The following NTM variants were observed in gnomAD, a reference collection of about 807,000 sequenced individuals.
NTM encodes the protein IgLON family member 2.
A neutral mutation model predicts 42.1 loss-of-function variants in NTM; 13 were observed. The observed-to-expected ratio is 0.31, with a 90% CI of 0.20 to 0.49. The LOEUF (loss-of-function observed/expected upper bound fraction) is 0.49, where lower values mean the gene tolerates loss of function less well. Ranked by LOEUF, NTM falls within the 20% of genes least tolerant of loss-of-function variation. The probability of loss-of-function intolerance (pLI) is 0.99; values close to 1 mark genes in which losing one functional copy is unlikely to be tolerated. For synonymous variants in NTM, 187 were observed against 179.2 expected, an observed-to-expected ratio of 1.04 and a Z score of -0.35; for missense variants, 373 against 452.8, an observed-to-expected ratio of 0.82 and a Z score of 1.60.
intron 1 of NTM, among the ~76,000 whole-genome samples, chr11:131,871,753 G>A (rs922405253): frequency 6.6e-6 from 1 of 152,054 alleles, no homozygotes; most frequent in Non-Finnish European, 1.5e-5. Context: ...GCTCCTGTAG[G>A]CCACCCTGCC....
At chr11:132,262,929 A>G (rs777078586) in intron 4 of NTM, among the ~76,000 whole-genome samples, 3 of 152,196 alleles carry the variant, frequency 2.0e-5, no homozygotes, top group Non-Finnish European at 4.4e-5. Flanking sequence ...CAAGTTATGT[A>G]TTTCCAAAAT....
intron 2 of NTM, among the ~76,000 whole-genome samples, chr11:131,961,529 G>A (rs537952928): frequency 6.6e-6 from 1 of 152,176 alleles, no homozygotes; most frequent in Admixed American, 6.5e-5. Flanking sequence ...ACTCTGGAAA[G>A]CCTAGCACAT....
At chr11:131,741,734 G>A (rs1413143990) in intron 1 of NTM, among the ~76,000 whole-genome samples, 1 of 152,198 alleles carries the variant, frequency 6.6e-6, no homozygotes, top group Non-Finnish European at 1.5e-5. Context: ...TTAAAAAATA[G>A]AAATGTATTG....
At chr11:131,916,439 A>G (rs1220617405) in intron 2 of NTM, among the ~76,000 whole-genome samples, 1 of 152,152 alleles carries the variant, frequency 6.6e-6, no homozygotes, top group African/African-American at 2.4e-5. Flanking sequence ...TCTAGACCAT[A>G]GGCTTAGCGA....
chr11:131,835,144 C>A (rs2043328414), intron 1 of NTM, among the ~76,000 whole-genome samples: 2 of 152,160 alleles, frequency 1.3e-5, no homozygotes, highest in East Asian at 1.9e-4. Context: ...ATGGTAGATA[C>A]CAATTATTTG....
At chr11:131,544,733 G>A (rs1267054095) in intron 1 of NTM, among the ~76,000 whole-genome samples, 1 of 152,150 alleles carries the variant, frequency 6.6e-6, no homozygotes, top group Non-Finnish European at 1.5e-5. Flanking sequence ...TTCCTGCTCC[G>A]CAGCCCTGGG....
intron 1 of NTM, among the ~76,000 whole-genome samples, chr11:131,407,563 G>C (rs1341799175): frequency 1.3e-5 from 2 of 152,208 alleles, no homozygotes; most frequent in Admixed American, 1.3e-4. Context: ...TGAAGAAAGG[G>C]AAGAGCCACA....
chr11:131,518,273 A>G (rs1011198843), intron 1 of NTM, among the ~76,000 whole-genome samples: 1 of 152,152 alleles, frequency 6.6e-6, no homozygotes, highest in Non-Finnish European at 1.5e-5. Context: ...CCATGCAGTA[A>G]GTGCAAGAAT....
chr11:131,873,666 C>CACAT (rs1565658329), intron 1 of NTM, among the ~76,000 whole-genome samples: 1 of 112,848 alleles, frequency 8.9e-6, no homozygotes, highest in Non-Finnish European at 1.8e-5. Flanking sequence ...TATATATACA[C>CACAT]ATATATATAT....
At chr11:131,566,898 A>G (rs1430130073) in intron 1 of NTM, among the ~76,000 whole-genome samples, 2 of 152,188 alleles carry the variant, frequency 1.3e-5, no homozygotes, top group African/African-American at 4.8e-5. Context: ...GCCTGTGATT[A>G]GAAGTCCTGC....
intron 2 of NTM, among the ~76,000 whole-genome samples, chr11:132,080,293 T>C (rs1248258985): frequency 1.3e-5 from 2 of 152,214 alleles, no homozygotes; most frequent in African/African-American, 2.4e-5. Context: ...TGACTAAATG[T>C]GCAGTCACTG....
intron 4 of NTM, among the ~76,000 whole-genome samples, chr11:132,261,757 G>A (rs747383865): frequency 1.3e-5 from 2 of 152,176 alleles, no homozygotes; most frequent in African/African-American, 4.8e-5. Flanking sequence ...AATAGAATGG[G>A]AGCAGATAGA....
intron 1 of NTM, among the ~76,000 whole-genome samples, chr11:131,522,461 A>G (rs901182359): frequency 6.6e-6 from 1 of 152,298 alleles, no homozygotes; most frequent in Middle Eastern, 3.4e-3. Flanking sequence ...TATGTATTTC[A>G]TAACAACCAC....
At chr11:131,749,791 G>A (rs1418095563) in intron 1 of NTM, among the ~76,000 whole-genome samples, 2 of 152,052 alleles carry the variant, frequency 1.3e-5, no homozygotes. Flanking sequence ...GTAGAGACAG[G>A]GTTTCACTAT....
chr11:132,159,571 C>T (rs1307773700), intron 3 of NTM, among the ~76,000 whole-genome samples: 2 of 152,050 alleles, frequency 1.3e-5, no homozygotes, highest in African/African-American at 2.4e-5. Context: ...GATAAAGAAC[C>T]AGGAGAGCTT....
At chr11:131,467,762 T>TATTTATTTATAACA (rs1952030277) in intron 1 of NTM, among the ~76,000 whole-genome samples, 1 of 152,166 alleles carries the variant, frequency 6.6e-6, no homozygotes, top group African/African-American at 2.4e-5. Context: ...TTTATTTTGG[T>TATTTATTTATAACA]GGAGTGTGTG....
chr11:132,189,657 C>CAG (rs1484566565), intron 3 of NTM, among the ~76,000 whole-genome samples: 3 of 151,566 alleles, frequency 2.0e-5, no homozygotes, highest in Non-Finnish European at 4.4e-5. Flanking sequence ...CACACACACA[C>CAG]ACACACACAC....
intron 7 of NTM, among the ~76,000 whole-genome samples, chr11:132,317,114 G>A (rs1440725765): frequency 6.6e-6 from 1 of 152,148 alleles, no homozygotes; most frequent in African/African-American, 2.4e-5. Context: ...AAGCCAAACG[G>A]GAGCAGGTTA....
chr11:132,152,188 C>T (rs903562663), intron 3 of NTM, among the ~76,000 whole-genome samples: 9 of 152,334 alleles, frequency 5.9e-5, no homozygotes, highest in African/African-American at 2.2e-4. Context: ...GAAAGCAAAG[C>T]TTTCTGCCTC....
Sources: gnomAD v4.1 joint callset for allele counts (sites outside exome capture counted in the v4.1 genomes callset) on GRCh38, gnomAD v4.1.1 for gene constraint, MANE v1.5 for transcripts, NCBI Gene and HGNC (gene_info 2026-07-23, HGNC 2026-07-21) for gene names.